The following PATL1 variants were observed in gnomAD, a reference collection of about 807,000 sequenced individuals.
PATL1 encodes the protein PAT1 homolog 1, processing body mRNA decay factor, also known as protein PAT1 homolog 1.
A neutral mutation model predicts 100.6 loss-of-function variants in PATL1; 32 were observed. The ratio of observed to expected loss-of-function variants is 0.32; its 90% CI spans 0.24 to 0.43. The LOEUF is 0.43. Among genes scored for constraint, PATL1 ranks in the 20% least tolerant of loss-of-function variants. The pLI is 1.00. For synonymous variants in PATL1, 332 were observed against 330.0 expected (o/e 1.01, Z -0.07); for missense variants, 747 against 949.9 (o/e 0.79, Z 2.81).
intron 9 of PATL1, among the ~76,000 whole-genome samples, chr11:59,653,327 A>G (rs760130197): frequency 2.6e-5 from 4 of 152,202 alleles, no homozygotes; most frequent in Non-Finnish European, 5.9e-5. Context: ...ACTTAAGACA[A>G]CAAATCGATG....
chr11:59,653,852 A>G (rs1044013971), intron 9 of PATL1, 131 bp downstream of exon 9: 4 of 701,062 alleles, frequency 5.7e-6, no homozygotes, highest in Non-Finnish European at 7.2e-6. Flanking sequence ...TTACATGTTG[A>G]TAATACATCC....
chr11:59,659,907 G>C (rs1393463824), intron 2 of PATL1, among the ~76,000 whole-genome samples: 1 of 152,150 alleles, frequency 6.6e-6, no homozygotes. Context: ...TTTACACTTA[G>C]AAACAGGAAA....
intron 4 of PATL1, among the ~76,000 whole-genome samples, chr11:59,658,559 G>C (rs1266712265): frequency 6.6e-6 from 1 of 152,160 alleles, no homozygotes; most frequent in African/African-American, 2.4e-5. Context: ...CTCACCTCAA[G>C]TGATCCACCT....
At chr11:59,659,554 C>A (rs1861599314) in intron 2 of PATL1, 85 bp from the exon 3 acceptor site, 2 of 1,221,496 alleles carry the variant, frequency 1.6e-6, no homozygotes, top group Non-Finnish European at 1.1e-6. Context: ...TTTTTTTAGA[C>A]AGAGTCTCAC....
chr11:59,652,613 G>T lies in PATL1; in HGVS notation c.1303-26C>A, dbSNP rs187760881. 6.4e-4 allele frequency: 1,035 copies of T among 1,611,700 alleles called. 4 individuals are homozygous for T. The African/African-American group carries it at 0.011, about 17-fold the overall frequency. Reference sequence around the variant, plus strand: ...CTACCACGAGAAGATGATTTCAGTTGTAACACAAGCACAGAACACGACTGT... The same window carrying T: ...CTACCACGAGAAGATGATTTCAGTTTTAACACAAGCACAGAACACGACTGT... On this transcript the variant is annotated intron_variant, in intron 10 of 18. Transcript: ENST00000300146.
chr11:59,658,321 GTTT>G (rs775993556), intron 4 of PATL1, among the ~76,000 whole-genome samples: 2 of 144,920 alleles, frequency 1.4e-5, no homozygotes, highest in African/African-American at 2.5e-5. Flanking sequence ...ATAGAAATGA[GTTT>G]TTTTTTTTTT....
chr11:59,648,999 G>A lies in PATL1; in HGVS notation c.1733+463C>T, dbSNP rs1861402496. 2.0e-5 allele frequency among the ~76,000 whole-genome samples: 3 copies of A among 152,198 alleles called. No homozygotes were observed. The South Asian group carries it at 6.2e-4, about 32-fold the overall frequency. ...GATTCTTTTGCAGATAATGGGGTAG[G>A]TGAGGGATTCCCCATTGGAAGACTG... On this transcript the variant is annotated intron_variant, in intron 14 of 18. Coordinates refer to ENST00000300146, the MANE Select transcript of PATL1 (RefSeq NM_152716.3).
rs371738317 is a variant in PATL1, at chr11:59,649,566, A to G, written c.1629T>C (p.Tyr543=). The G allele has an allele frequency of 4.1e-5, 66 of 1,613,430 alleles. No individual in the cohort carries two copies. The African/African-American group carries it at 6.9e-4, about 17-fold the overall frequency. ...GTCGCTCTTCTTCCAGACTTAGGAG[A>G]TAACGTCTTTCATAGTCCTCCACAT... The part of the protein sequence containing the change: ...LLDVEDYERR[Y]LLSLEEERPA... Residue 543 remains tyrosine, a synonymous_variant, in exon 14 of 19, where the codon TAT becomes TAC. Transcript: ENST00000300146.
rs1324599954 is a variant in PATL1 at position 59,655,615 on chromosome 11, T to C, written c.939A>G (p.Pro313=). 1 of 1,595,322 alleles carries C rather than the reference T, an allele frequency of 6.3e-7. No individual in the cohort carries two copies. The change falls in exon 8 of 19, where the codon CCA becomes CCG. Residue 313 remains proline (P), a synonymous_variant. Coordinates refer to ENST00000300146, the MANE Select transcript of PATL1 (RefSeq NM_152716.3). ...GAGCACTAAAGAAGGCACGGAAGCC[T>C]GGTGCTGGGGGAAGCATCTGCCCAA... ...GRVGQMLPPA[P]GFRAFFSAPP...
chr11:59,654,183 A>G (rs1386841500), intron 8 of PATL1, 111 bp from the exon 9 acceptor site: 1 of 965,042 alleles, frequency 1.0e-6, no homozygotes, highest in Non-Finnish European at 1.6e-6. Flanking sequence ...AGGGACTACA[A>G]AAGTCTATTC....
At chr11:59,651,894 G>A (rs1298738013) in intron 11 of PATL1, among the ~76,000 whole-genome samples, 6 of 151,026 alleles carry the variant, frequency 4.0e-5, no homozygotes, top group East Asian at 1.9e-4. Flanking sequence ...GCGAAACCCC[G>A]TCTCTACTAA....
chr11:59,638,411 C>T lies in PATL1; in HGVS notation c.2292G>A (p.Gln764=), dbSNP rs1590691697. ...TCTTTTATCGTATCCCCTGAACTAG[C>T]CTAGGAGTACAAAGGAGAGAAAGGA... ...QKLNLLETKL[Q]LVQGIR Residue 764 remains glutamine, a splice_region_variant and synonymous_variant, in exon 19 of 19, where the codon CAG becomes CAA. Transcript: ENST00000300146. 9 of 1,611,874 alleles carry T rather than the reference C, an allele frequency of 5.6e-6. No homozygotes were observed. The highest frequency in any genetic ancestry group is 7.6e-6 in the Non-Finnish European group (9 of 1,178,588).
intron 11 of PATL1, among the ~76,000 whole-genome samples, chr11:59,652,054 G>A (rs1320350222): frequency 5.3e-5 from 4 of 75,384 alleles, no homozygotes; most frequent in Non-Finnish European, 8.9e-5. Flanking sequence ...AACAGAGTAA[G>A]GCTCTTTCTC....
At chr11:59,658,427 A>G (rs998497638) in intron 4 of PATL1, among the ~76,000 whole-genome samples, 3 of 151,508 alleles carry the variant, frequency 2.0e-5, no homozygotes. Context: ...GGTTCAAGTG[A>G]TTCTCCTGCC....
chr11:59,661,277 G>A (rs190664533), intron 2 of PATL1, among the ~76,000 whole-genome samples: 5 of 152,132 alleles, frequency 3.3e-5, no homozygotes, highest in Admixed American at 3.3e-4. Context: ...GTAGAGTCGG[G>A]GTTTCCCCAT....
At chr11:59,663,300 G>C (rs546760637) in intron 2 of PATL1, among the ~76,000 whole-genome samples, 1 of 152,116 alleles carries the variant, frequency 6.6e-6, no homozygotes, top group East Asian at 1.9e-4. Flanking sequence ...GCCTGTCTCA[G>C]GGAGTTTTGA....
At chr11:59,644,999 C>A (rs1028611646) in intron 15 of PATL1, among the ~76,000 whole-genome samples, 6 of 145,360 alleles carry the variant, frequency 4.1e-5, no homozygotes, top group African/African-American at 1.6e-4. Context: ...CAGGCTGCTC[C>A]AACCACTGTA....
chr11:59,664,879 C>T (rs1034054123), intron 2 of PATL1, among the ~76,000 whole-genome samples: 2 of 152,206 alleles, frequency 1.3e-5, no homozygotes, highest in African/African-American at 2.4e-5. Context: ...CTTATTGTGT[C>T]CTACTGATTA....
At chr11:59,667,042 T>C (rs1436151208) in intron 1 of PATL1, 78 bp from the exon 2 acceptor site, 1 of 1,482,758 alleles carries the variant, frequency 6.7e-7, no homozygotes, top group Non-Finnish European at 8.9e-7. Context: ...ATGTTCATCT[T>C]ACCTTCTCAA....
Sources: gnomAD v4.1 joint callset for allele counts (sites outside exome capture counted in the v4.1 genomes callset) on GRCh38, gnomAD v4.1.1 for gene constraint, MANE v1.5 for transcripts, NCBI Gene and HGNC (gene_info 2026-07-23, HGNC 2026-07-21) for gene names.